Variants in FBXO10 observed in about 807,000 individuals in gnomAD.
The protein encoded by FBXO10 is F-box only protein 10.
In FBXO10, 39 loss-of-function variants were observed where a neutral mutation model predicts 80.7. That is an observed-to-expected ratio of 0.48 (90% CI 0.37 to 0.63). FBXO10 has a LOEUF of 0.63. FBXO10 is among the 30% of genes least tolerant of loss of function. The probability of loss-of-function intolerance (pLI) is 0.00; values close to 1 mark genes in which losing one functional copy is unlikely to be tolerated. For synonymous variants in FBXO10, 449 were observed against 489.6 expected (o/e 0.92, Z 1.09); for missense variants, 1,025 against 1,269.0 (o/e 0.81, Z 2.92).
In FBXO10 at chr9:37,541,757, A is replaced by G. The variant is rs930340150; in HGVS notation, c.12T>C (p.Gly4=). 14 of 1,595,946 alleles carry G rather than the reference A, an allele frequency of 8.8e-6. No homozygotes were observed. Among genetic ancestry groups the G allele is most frequent in the Non-Finnish European group, 1.2e-5 (14 of 1,168,338 alleles). The change falls in exon 2 of 11, where the codon GGT becomes GGC. Residue 4 remains glycine, a synonymous_variant. Transcript: ENST00000432825. The part of the protein sequence containing the change: MEA[G]GLPLELWRMI... ...TGCGCCACAGCTCCAAGGGGAGGCC[A>G]CCAGCCTCCATGGTCACCTAGGAGA...
At chr9:37,568,023 T>C (rs1822652582) in intron 1 of FBXO10, among the ~76,000 whole-genome samples, 1 of 152,080 alleles carries the variant, frequency 6.6e-6, no homozygotes, top group South Asian at 2.1e-4. Flanking sequence ...AAAGAGTCCA[T>C]ATGAGGAATG....
At chr9:37,534,787 A>C (rs1477710432) in intron 3 of FBXO10, among the ~76,000 whole-genome samples, 1 of 152,138 alleles carries the variant, frequency 6.6e-6, no homozygotes, top group Non-Finnish European at 1.5e-5. Flanking sequence ...CTCTCTTACA[A>C]AACAAACCGT....
Position 37,521,843 on chromosome 9 carries a change from G to C in FBXO10, c.1931-5C>G. The C allele has an allele frequency of 6.4e-7, 1 of 1,565,200 alleles. No individual in the cohort carries two copies. Among genetic ancestry groups the C allele is most frequent in the East Asian group, 2.3e-5 (1 of 44,186 alleles). ...ACACACCACAGCCCTTGTTAGCTGGGACAGTGAGAGGAGCTGGTCACCGAC... is the reference window on the plus strand; with the variant it reads ...ACACACCACAGCCCTTGTTAGCTGGCACAGTGAGAGGAGCTGGTCACCGAC... On this transcript the variant is annotated splice_region_variant and splice_polypyrimidine_tract_variant and intron_variant, in intron 7 of 10. Coordinates refer to ENST00000432825, the MANE Select transcript of FBXO10 (RefSeq NM_012166.3).
At chr9:37,576,147 C>G (rs1158343408) in intron 1 of FBXO10, 64 bp downstream of exon 1, 1 of 152,266 alleles carries the variant, frequency 6.6e-6, no homozygotes, top group Non-Finnish European at 1.5e-5. Flanking sequence ...CCTGGGGAAG[C>G]GCCCCGGGTC....
chr9:37,546,928 G>C (rs1378412636), intron 1 of FBXO10, among the ~76,000 whole-genome samples: 4 of 152,162 alleles, frequency 2.6e-5, no homozygotes, highest in Non-Finnish European at 4.4e-5. Context: ...TGATCCGCCT[G>C]CCTTGGCCTC....
chr9:37,558,145 G>A (rs933983315), intron 1 of FBXO10, among the ~76,000 whole-genome samples: 1 of 152,208 alleles, frequency 6.6e-6, no homozygotes, highest in African/African-American at 2.4e-5. Context: ...TATCCATGAT[G>A]TTCTTTCCTT....
At chr9:37,548,618 C>A (rs1822116934) in intron 1 of FBXO10, among the ~76,000 whole-genome samples, 1 of 152,184 alleles carries the variant, frequency 6.6e-6, no homozygotes, top group South Asian at 2.1e-4. Flanking sequence ...CCCTCCTTCC[C>A]TCCCTCTCTA....
At chr9:37,573,038 A>G (rs1822797759) in intron 1 of FBXO10, among the ~76,000 whole-genome samples, 1 of 152,178 alleles carries the variant, frequency 6.6e-6, no homozygotes, top group African/African-American at 2.4e-5. Flanking sequence ...TACATATGGA[A>G]AAGTAAGGTG....
At chr9:37,564,505 GA>G (rs1372561061) in intron 1 of FBXO10, among the ~76,000 whole-genome samples, 1 of 152,182 alleles carries the variant, frequency 6.6e-6, no homozygotes, top group Non-Finnish European at 1.5e-5. Flanking sequence ...ACCAGCCTGT[GA>G]AAGCAGCCAG....
intron 1 of FBXO10, among the ~76,000 whole-genome samples, chr9:37,572,687 T>C (rs997684990): frequency 3.3e-5 from 5 of 152,328 alleles, no homozygotes; most frequent in Middle Eastern, 3.4e-3. Context: ...TGATTTCTTC[T>C]AGGGGAGGAA....
At chr9:37,552,893 T>C (rs1588851536) in intron 1 of FBXO10, among the ~76,000 whole-genome samples, 2 of 152,042 alleles carry the variant, frequency 1.3e-5, no homozygotes, top group East Asian at 3.9e-4. Flanking sequence ...AACCCTTCCA[T>C]TCATAAGGAA....
In FBXO10 at chr9:37,527,901, G is replaced by A. The variant is rs111887265; in HGVS notation, c.1706+1223C>T. 1.8e-4 allele frequency among the ~76,000 whole-genome samples: 28 copies of A among 152,232 alleles called. 1 individual carries two copies. The highest frequency in any genetic ancestry group is 5.8e-4 in the African/African-American group (24 of 41,534). On this transcript the variant is annotated intron_variant, in intron 5 of 10. Transcript: ENST00000432825. ...AGCTGTCTGTAACAGTGAAAAATAG[G>A]ATTATATTCCGTAATTTTTGAACCA...
chr9:37,515,336 T>C (rs1462996213), intron 10 of FBXO10: 6 of 152,738 alleles, frequency 3.9e-5, no homozygotes, highest in Non-Finnish European at 7.3e-5. Context: ...AAAAGGAACA[T>C]TTTAGAAGCA....
chr9:37,554,286 G>GT (rs1486799027), intron 1 of FBXO10, among the ~76,000 whole-genome samples: 21 of 152,258 alleles, frequency 1.4e-4, no homozygotes, highest in Non-Finnish European at 5.9e-5. Context: ...TTCTAAAACT[G>GT]TATCATGTCA....
chr9:37,512,852 T>C, intron 10 of FBXO10, 131 bp from the exon 11 acceptor site: 1 of 921,366 alleles, frequency 1.1e-6, no homozygotes, highest in Non-Finnish European at 1.6e-6. Flanking sequence ...GGTTTTATCT[T>C]CCAGTTTAGT....
intron 1 of FBXO10, among the ~76,000 whole-genome samples, chr9:37,544,420 G>C (rs1355850665): frequency 6.6e-6 from 1 of 152,134 alleles, no homozygotes; most frequent in Non-Finnish European, 1.5e-5. Context: ...GTGACAGAGT[G>C]AGACCCTATC....
At chr9:37,521,505 G>GAA in intron 8 of FBXO10, 64 bp downstream of exon 8, 1 of 1,383,190 alleles carries the variant, frequency 7.2e-7, no homozygotes. Flanking sequence ...TTAAATTGGA[G>GAA]AAAAAAAAAG....
intron 3 of FBXO10, among the ~76,000 whole-genome samples, chr9:37,533,826 C>G (rs547070996): frequency 6.7e-6 from 1 of 149,108 alleles, no homozygotes; most frequent in African/African-American, 2.5e-5. Flanking sequence ...GAGCTGAGAT[C>G]ACATCTTTGC....
intron 5 of FBXO10, among the ~76,000 whole-genome samples, chr9:37,526,282 G>A (rs1345209587): frequency 6.6e-6 from 1 of 152,182 alleles, no homozygotes; most frequent in African/African-American, 2.4e-5. Context: ...ATAACTTTCT[G>A]TGGCAAAAAT....
Sources: allele counts gnomAD v4.1 joint callset (sites outside exome capture counted in the v4.1 genomes callset), GRCh38; gene constraint gnomAD v4.1.1; transcripts MANE v1.5; gene names NCBI Gene and HGNC (gene_info 2026-07-23, HGNC 2026-07-21).